Variants in RIPOR2 observed in about 807,000 individuals in gnomAD.
The protein encoded by RIPOR2 is RHO family interacting cell polarization regulator 2, also known as rho family-interacting cell polarization regulator 2.
Under a neutral mutation model 114.5 loss-of-function variants are expected in RIPOR2, and 39 were observed. The observed-to-expected ratio is 0.34, with a 90% CI of 0.26 to 0.44. RIPOR2 has a LOEUF of 0.44. Among genes scored for constraint, RIPOR2 ranks in the 20% least tolerant of loss-of-function variants. The pLI, the probability that RIPOR2 is intolerant of heterozygous loss-of-function variation, is 1.00. For missense variants in RIPOR2, 1,007 were observed against 1,255.1 expected, an observed-to-expected ratio of 0.80 and a Z score of 2.99; for synonymous variants, 445 against 484.4, an observed-to-expected ratio of 0.92 and a Z score of 1.07.
chr6:24,817,978 C>CTTTTTTTTT (rs57294288), intron 20 of RIPOR2, among the ~76,000 whole-genome samples: 2 of 118,366 alleles, frequency 1.7e-5, no homozygotes, highest in African/African-American at 6.1e-5. Context: ...CTCTCTCTCT[C>CTTTTTTTTT]TTTTTTTTTG....
At chr6:24,961,963 G>T (rs1318845275) in intron 1 of RIPOR2, among the ~76,000 whole-genome samples, 1 of 152,090 alleles carries the variant, frequency 6.6e-6, no homozygotes. Flanking sequence ...CCTGAGGCAG[G>T]TACTTTTATT....
chr6:24,832,843 ACAAT>A (rs1760790604), intron 15 of RIPOR2, among the ~76,000 whole-genome samples: 2 of 152,248 alleles, frequency 1.3e-5, no homozygotes, highest in Admixed American at 1.3e-4. Context: ...AATGAGAATT[ACAAT>A]CAGAGCTGTC....
intron 1 of RIPOR2, among the ~76,000 whole-genome samples, chr6:24,925,782 A>G (rs1051392307): frequency 9.9e-5 from 15 of 152,200 alleles, no homozygotes; most frequent in Non-Finnish European, 1.5e-5. Flanking sequence ...CCAACTAATT[A>G]TGTGCCCTCT....
intron 1 of RIPOR2, among the ~76,000 whole-genome samples, chr6:25,003,814 C>T (rs1450353387): frequency 6.6e-6 from 1 of 152,170 alleles, no homozygotes; most frequent in Non-Finnish European, 1.5e-5. Context: ...CCAGTCTTAG[C>T]TTTTCCAACA....
chr6:24,968,162 T>A (rs1773619353), intron 1 of RIPOR2, among the ~76,000 whole-genome samples: 1 of 152,070 alleles, frequency 6.6e-6, no homozygotes, highest in Non-Finnish European at 1.5e-5. Context: ...CGCCTCAGCC[T>A]CCGAAAGTGC....
chr6:24,892,053 T>C (rs956692145), intron 1 of RIPOR2, among the ~76,000 whole-genome samples: 3 of 152,144 alleles, frequency 2.0e-5, no homozygotes, highest in Non-Finnish European at 4.4e-5. Flanking sequence ...GAGACAGGGT[T>C]TCACTATGTT....
At chr6:25,040,138 A>G (rs977219280) in intron 1 of RIPOR2, among the ~76,000 whole-genome samples, 1 of 143,526 alleles carries the variant, frequency 7.0e-6, no homozygotes, top group East Asian at 2.0e-4. Context: ...TTTTTTTTAG[A>G]TGGAGTTTCG....
chr6:24,918,481 G>A (rs935869658), intron 1 of RIPOR2, among the ~76,000 whole-genome samples: 6 of 151,922 alleles, frequency 3.9e-5, no homozygotes, highest in African/African-American at 1.5e-4. Flanking sequence ...CCAACTCCCT[G>A]CCCCCACCTA....
Position 24,848,877 on chromosome 6 carries a change from C to T in RIPOR2, c.1035-723G>A, listed in dbSNP as rs76915014. 3.3e-5 allele frequency among the ~76,000 whole-genome samples: 5 copies of T among 152,280 alleles called. No homozygotes were observed. The East Asian group carries it at 9.6e-4, about 29-fold the overall frequency. On this transcript the variant is annotated intron_variant, in intron 11 of 21. Transcript: ENST00000643898. ...TATTTACTTGGCAATATACCGGGGG[C>T]ATTACATTAAATGTTGTGAACTACT...
At chr6:24,849,502 T>G (rs1232560171) in intron 11 of RIPOR2, among the ~76,000 whole-genome samples, 1 of 152,112 alleles carries the variant, frequency 6.6e-6, no homozygotes, top group East Asian at 1.9e-4. Context: ...CTTATATATT[T>G]AAAGGTAGAG....
intron 1 of RIPOR2, among the ~76,000 whole-genome samples, chr6:24,935,366 CAG>C (rs112681010): frequency 9.2e-4 from 130 of 141,824 alleles, no homozygotes; most frequent in African/African-American, 3.3e-3. Context: ...GAAAGATAGA[CAG>C]AGAGAGAGAG....
intron 4 of RIPOR2, 39 bp downstream of exon 4, chr6:24,872,842 A>T (rs543656175): frequency 7.3e-7 from 1 of 1,376,558 alleles, no homozygotes; most frequent in Non-Finnish European, 1.0e-6. Flanking sequence ...TTGGCTAAAA[A>T]GAACAGTGTT....
intron 8 of RIPOR2, among the ~76,000 whole-genome samples, chr6:24,859,911 A>G (rs550966881): frequency 1.1e-4 from 17 of 152,346 alleles, no homozygotes; most frequent in Admixed American, 5.2e-4. Context: ...TCAGAATTGC[A>G]TAAGCACCAG....
chr6:24,933,107 C>T (rs1028525731), intron 1 of RIPOR2, among the ~76,000 whole-genome samples: 4 of 152,130 alleles, frequency 2.6e-5, no homozygotes, highest in Non-Finnish European at 4.4e-5. Context: ...ATATCTGCCA[C>T]GTTAAACCTC....
At chr6:24,968,695 G>A (rs953445855) in intron 1 of RIPOR2, among the ~76,000 whole-genome samples, 2 of 152,082 alleles carry the variant, frequency 1.3e-5, no homozygotes, top group African/African-American at 2.4e-5. Context: ...TCAGAATCAC[G>A]CACATGCCAA....
chr6:24,839,930 T>TAGGA, intron 13 of RIPOR2: 1 of 248,880 alleles, frequency 4.0e-6, no homozygotes, highest in Non-Finnish European at 6.2e-6. Context: ...TAAGAAGCCC[T>TAGGA]GCATCTTTTT....
chr6:25,023,786 G>A, intron 1 of RIPOR2: 2 of 785,806 alleles, frequency 2.5e-6, no homozygotes, highest in South Asian at 2.7e-5. Flanking sequence ...GTTGACGTTG[G>A]TCACCTTCAC....
At chr6:24,818,397 A>T in intron 20 of RIPOR2, 145 bp downstream of exon 20, 1 of 477,898 alleles carries the variant, frequency 2.1e-6, no homozygotes. Flanking sequence ...AGGGAGAAAA[A>T]TACTAAAACT....
chr6:24,819,544 C>T (rs896748093), intron 19 of RIPOR2, among the ~76,000 whole-genome samples: 9 of 151,152 alleles, frequency 6.0e-5, no homozygotes, highest in African/African-American at 2.2e-4. Flanking sequence ...GACAGAATCT[C>T]GCTCTGTGGC....
Sources: allele counts gnomAD v4.1 joint callset (sites outside exome capture counted in the v4.1 genomes callset), GRCh38; gene constraint gnomAD v4.1.1; transcripts MANE v1.5; gene names NCBI Gene and HGNC (gene_info 2026-07-23, HGNC 2026-07-21).